Variants in PKN2 observed in about 807,000 individuals in gnomAD.
The protein encoded by PKN2 is protein kinase N2.
In PKN2, 38 loss-of-function variants were observed where a neutral mutation model predicts 119.1. The observed-to-expected ratio is 0.32, with a 90% CI of 0.25 to 0.42. PKN2 has a LOEUF of 0.42. Among genes scored for constraint, PKN2 ranks in the 10% least tolerant of loss-of-function variants. The pLI is 1.00. For missense variants in PKN2, 850 were observed against 1,165.1 expected (o/e 0.73, Z 3.94); for synonymous variants, 390 against 384.9 (o/e 1.01, Z -0.15).
chr1:88,811,057 AAAAT>A (rs1671764930), intron 15 of PKN2, among the ~76,000 whole-genome samples: 1 of 152,244 alleles, frequency 6.6e-6, no homozygotes, highest in African/African-American at 2.4e-5. Flanking sequence ...TATGGATTCT[AAAAT>A]AAAGTGTTAG....
At position 88,821,923 on chromosome 1, in the gene PKN2, A is replaced by G. The variant is rs17130617; in HGVS notation, c.2280-18A>G. On this transcript the variant is annotated intron_variant, in intron 16 of 21. Coordinates refer to ENST00000370521, the MANE Select transcript of PKN2 (RefSeq NM_006256.4). The stretch of plus-strand genomic sequence containing the variant: ...AATAAAATTTATTAAACTCCTGTTG[A>G]TTTAATTCTTCAAACAGATTTTATG... The G allele has an allele frequency of 0.014, 22,157 of 1,552,618 alleles. 441 individuals carry two copies. The highest frequency in any genetic ancestry group is 0.064 in the South Asian group (5,142 of 80,608).
intron 1 of PKN2, among the ~76,000 whole-genome samples, chr1:88,733,994 T>C (rs890562655): frequency 7.9e-5 from 12 of 151,978 alleles, no homozygotes; most frequent in African/African-American, 2.9e-4. Context: ...ACCCTGTCTT[T>C]ACAAAAGATA....
At chr1:88,729,350 A>T (rs936261368) in intron 1 of PKN2, among the ~76,000 whole-genome samples, 5 of 152,210 alleles carry the variant, frequency 3.3e-5, no homozygotes, top group Admixed American at 6.5e-5. Flanking sequence ...TGTCTATTGC[A>T]GCATAGCAAG....
rs189404072 is a variant in PKN2 at position 88,723,484 on chromosome 1, C to T, written c.49-17504C>T. Among the ~76,000 whole-genome samples, 90 of 144,052 alleles carry T rather than the reference C, an allele frequency of 6.2e-4. 1 individual carries two copies. Among genetic ancestry groups the T allele is most frequent in the African/African-American group, 2.0e-3 (80 of 39,614 alleles). The allele number at this position is 144,052 out of a possible 152,430, so 94.5% of individuals were successfully genotyped here. On this transcript the variant is annotated intron_variant, in intron 1 of 21. Transcript: ENST00000370521. ...TCACCCAGGCTGGAGTACAGTGGCG[C>T]GGTCTCGGCTCACTGCAACCTCACC...
intron 8 of PKN2, among the ~76,000 whole-genome samples, chr1:88,791,719 A>T (rs981319990): frequency 7.9e-5 from 12 of 152,164 alleles, no homozygotes; most frequent in African/African-American, 2.4e-4. Context: ...CCTCATGTCC[A>T]GTTTGTCTTC....
Position 88,781,094 on chromosome 1 carries a change from T to G in PKN2, c.986-3545T>G, listed in dbSNP as rs556437240. 2.9e-3 allele frequency: 3,590 copies of G among 1,218,050 alleles called. 7 individuals are homozygous for G. The highest frequency in any genetic ancestry group is 3.6e-3 in the Non-Finnish European group (3,424 of 949,560). The allele number at this position is 1,218,050 out of a possible 1,614,324, so 75.5% of individuals were successfully genotyped here. On this transcript the variant is annotated intron_variant, in intron 6 of 21. Coordinates refer to ENST00000370521, the MANE Select transcript of PKN2 (RefSeq NM_006256.4). ...GACCATAAACTAAATTTTAAGTAAC[T>G]AGGGAGAGAAATACTACTGACATTA...
intron 6 of PKN2, among the ~76,000 whole-genome samples, chr1:88,775,705 C>T (rs527501468): frequency 2.0e-5 from 3 of 152,134 alleles, no homozygotes; most frequent in Non-Finnish European, 2.9e-5. Flanking sequence ...GTCACAAACT[C>T]TCTTTATGCA....
chr1:88,776,922 A>G (rs886743554), intron 6 of PKN2, among the ~76,000 whole-genome samples: 2 of 151,920 alleles, frequency 1.3e-5, no homozygotes, highest in African/African-American at 4.8e-5. Flanking sequence ...ATCTTTTTGA[A>G]TTTATTCTAC....
rs1390586086 is a variant in PKN2, at chr1:88,833,518, T to C, written c.*70T>C. ...TTAAAAATAGCAACCCTTCATTTGCTCTCTGTGCCACCAATAGCTTCTGAG... is the reference window on the plus strand; with the variant it reads ...TTAAAAATAGCAACCCTTCATTTGCCCTCTGTGCCACCAATAGCTTCTGAG... On this transcript the variant is annotated 3_prime_UTR_variant, in exon 22 of 22. Coordinates refer to ENST00000370521, the MANE Select transcript of PKN2 (RefSeq NM_006256.4). The C allele has an allele frequency of 8.5e-7, 1 of 1,175,408 alleles. No individual in the cohort carries two copies. The highest frequency in any genetic ancestry group is 1.3e-6 in the Non-Finnish European group (1 of 795,290). The allele number at this position is 1,175,408 out of a possible 1,614,324, so 72.8% of individuals were successfully genotyped here.
At chr1:88,758,038 CAAAAA>C (rs33914457) in intron 2 of PKN2, among the ~76,000 whole-genome samples, 2 of 59,070 alleles carry the variant, frequency 3.4e-5, no homozygotes, top group Non-Finnish European at 6.1e-5. Context: ...GAGACTATCT[CAAAAA>C]AAAAAAAAAA....
At chr1:88,716,698 G>A (rs1231429700) in intron 1 of PKN2, among the ~76,000 whole-genome samples, 2 of 152,068 alleles carry the variant, frequency 1.3e-5, no homozygotes, top group African/African-American at 4.8e-5. Context: ...CTCTGTACAT[G>A]AGATGGGTCT....
chr1:88,696,585 T>G (rs1181206145), intron 1 of PKN2, among the ~76,000 whole-genome samples: 1 of 152,184 alleles, frequency 6.6e-6, no homozygotes, highest in Non-Finnish European at 1.5e-5. Context: ...ATGTCACAAT[T>G]CTAAATTCTT....
At chr1:88,745,878 G>A (rs1668747423) in intron 2 of PKN2, among the ~76,000 whole-genome samples, 1 of 152,044 alleles carries the variant, frequency 6.6e-6, no homozygotes. Context: ...CATAAAAATA[G>A]ACTCATTAAC....
At chr1:88,767,954 A>C (rs1445641341) in intron 3 of PKN2, among the ~76,000 whole-genome samples, 1 of 152,282 alleles carries the variant, frequency 6.6e-6, no homozygotes, top group East Asian at 1.9e-4. Flanking sequence ...AGAGACATGA[A>C]TCTCCAGGAG....
chr1:88,771,712 A>G lies in PKN2; in HGVS notation c.818A>G (p.Tyr273Cys), dbSNP rs148288884. The stretch of plus-strand genomic sequence containing the variant: ...AGTCAGAAGTTGGACCTTTTAAAGT[A>G]TTCATTAGAGCAAAGATTAAACGAA... ...ESSQKLDLLKYSLEQRLNEVP... is the reference protein window; with the variant it reads ...ESSQKLDLLKCSLEQRLNEVP... Residue 273 changes from tyrosine to cysteine, a missense_variant, in exon 6 of 22, where the codon TAT (tyrosine) becomes TGT (cysteine). Tyr to Cys is a radical substitution (Grantham distance 194). This residue lies in a region of PKN2 where 350 missense variants were observed against 511.1 expected (regional missense o/e 0.68). Transcript: ENST00000370521. The G allele has an allele frequency of 1.2e-6, 2 of 1,614,056 alleles. No individual in the cohort carries two copies. Among genetic ancestry groups the G allele is most frequent in the African/African-American group, 2.7e-5 (2 of 75,050 alleles).
chr1:88,684,599 C>A lies in PKN2; in HGVS notation c.19C>A (p.Arg7=). Residue 7 remains arginine (R), a synonymous_variant, in exon 1 of 22, where the codon CGG becomes AGG. Coordinates refer to ENST00000370521, the MANE Select transcript of PKN2 (RefSeq NM_006256.4). ...GAGCGCAATGGCGTCCAACCCCGAACGGGGGGAGATTCTGCTCACGGAACT... is the reference window on the plus strand; with the variant it reads ...GAGCGCAATGGCGTCCAACCCCGAAAGGGGGGAGATTCTGCTCACGGAACT... MASNPE[R]GEILLTELQG... 6.4e-7 allele frequency: 1 copy of A among 1,562,172 alleles called. No homozygotes were observed. The highest frequency in any genetic ancestry group is 8.7e-7 in the Non-Finnish European group (1 of 1,154,634).
intron 2 of PKN2, among the ~76,000 whole-genome samples, chr1:88,755,337 A>G (rs1669155338): frequency 6.6e-6 from 1 of 152,188 alleles, no homozygotes; most frequent in South Asian, 2.1e-4. Context: ...AAAGAGGAAA[A>G]TAGATGAAAT....
intron 2 of PKN2, among the ~76,000 whole-genome samples, chr1:88,744,090 C>G (rs60420253): frequency 0.067 from 10,183 of 152,032 alleles, 685 homozygotes; most frequent in African/African-American, 0.18. Flanking sequence ...ACTTAACAAT[C>G]TAAAAGCAAC....
At chr1:88,758,927 G>A (rs1163676173) in intron 2 of PKN2, among the ~76,000 whole-genome samples, 4 of 152,136 alleles carry the variant, frequency 2.6e-5, no homozygotes, top group African/African-American at 7.2e-5. Flanking sequence ...TGGGTCGAAC[G>A]GTATTTCTGT....
Sources: allele counts gnomAD v4.1 joint callset (sites outside exome capture counted in the v4.1 genomes callset), GRCh38; gene constraint gnomAD v4.1.1; regional missense constraint gnomAD v4.1.1; transcripts MANE v1.5; gene names NCBI Gene and HGNC (gene_info 2026-07-23, HGNC 2026-07-21).